Variants in ZC3H12B observed in about 807,000 individuals in gnomAD.
The protein encoded by ZC3H12B is probable ribonuclease ZC3H12B.
ZC3H12B carries 7 observed loss-of-function variants against 43.9 expected under a neutral mutation model. The ratio of observed to expected loss-of-function variants is 0.16; its 90% CI spans 0.09 to 0.30. The LOEUF is 0.30. Ranked by LOEUF, ZC3H12B falls within the 10% of genes least tolerant of loss-of-function variation. The pLI is 1.00. For missense variants in ZC3H12B, 475 were observed against 670.2 expected (o/e 0.71, Z 3.22); for synonymous variants, 222 against 241.7 (o/e 0.92, Z 0.76).
chrX:65,045,828 T>A, the ZC3H12B span, among the ~76,000 whole-genome samples: 2 of 112,141 alleles, frequency 1.8e-5, no homozygotes, highest in Non-Finnish European at 3.8e-5. Context: ...AACTTGAAAA[T>A]CCAAATTACT....
chrX:65,067,743 G>T, the ZC3H12B span, among the ~76,000 whole-genome samples: 1 of 108,265 alleles, frequency 9.2e-6, no homozygotes, highest in Non-Finnish European at 1.9e-5. Context: ...ATTCATTTCT[G>T]CTCTGATCTT....
the ZC3H12B span, among the ~76,000 whole-genome samples, chrX:65,125,835 C>A: frequency 9.0e-6 from 1 of 110,833 alleles, no homozygotes; most frequent in Non-Finnish European, 1.9e-5. Context: ...TTTTTCCACC[C>A]CTTTATCTTA....
the ZC3H12B span, among the ~76,000 whole-genome samples, chrX:65,077,165 G>T: frequency 9.0e-6 from 1 of 111,295 alleles, no homozygotes; most frequent in Non-Finnish European, 1.9e-5. Flanking sequence ...CTTTCTGATG[G>T]TGCTGCAGCA....
the ZC3H12B span, among the ~76,000 whole-genome samples, chrX:65,224,083 A>C: frequency 8.9e-6 from 1 of 112,728 alleles, no homozygotes; most frequent in Non-Finnish European, 1.9e-5. Flanking sequence ...GGTGTAAAGA[A>C]ACTGTGGTAT....
intron 3 of ZC3H12B, among the ~76,000 whole-genome samples, chrX:65,411,486 G>C (rs2066902488): frequency 9.0e-6 from 1 of 111,401 alleles, no homozygotes; most frequent in African/African-American, 3.3e-5. Context: ...ACAGCACTTT[G>C]GGAGGCCAAG....
At chrX:65,417,082 C>T (rs2066971049) in intron 3 of ZC3H12B, among the ~76,000 whole-genome samples, 1 of 111,429 alleles carries the variant, frequency 9.0e-6, no homozygotes, top group African/African-American at 3.3e-5. Context: ...ATTTCCCAAG[C>T]CTAGACCATT....
At chrX:65,071,875 C>A in the ZC3H12B span, among the ~76,000 whole-genome samples, 7 of 111,363 alleles carry the variant, frequency 6.3e-5, no homozygotes, top group Non-Finnish European at 1.1e-4. Context: ...TCTCTAGCTG[C>A]CTTTAGCATT....
At chrX:65,063,918 A>C in the ZC3H12B span, among the ~76,000 whole-genome samples, 14 of 111,818 alleles carry the variant, frequency 1.3e-4, no homozygotes, top group South Asian at 3.7e-4. Flanking sequence ...TTATCCATTT[A>C]TGCTAGATTT....
chrX:65,290,537 T>G, the ZC3H12B span, among the ~76,000 whole-genome samples: 35 of 111,439 alleles, frequency 3.1e-4, 1 homozygote, highest in Admixed American at 9.5e-5. Flanking sequence ...TATCAATATA[T>G]CAAAGGAATA....
the ZC3H12B span, among the ~76,000 whole-genome samples, chrX:65,316,790 A>T: frequency 2.5e-4 from 28 of 111,761 alleles, no homozygotes; most frequent in Non-Finnish European, 3.0e-4. Context: ...AAATCCACAT[A>T]TATCAATAAT....
intron 3 of ZC3H12B, among the ~76,000 whole-genome samples, chrX:65,482,921 CT>C (rs776238091): frequency 2.1e-3 from 231 of 111,833 alleles, no homozygotes; most frequent in Middle Eastern, 0.018. Flanking sequence ...CAGACTCTTA[CT>C]TTTTTGTAAA....
the ZC3H12B span, among the ~76,000 whole-genome samples, chrX:65,300,565 T>C: frequency 1.8e-5 from 2 of 111,518 alleles, no homozygotes; most frequent in South Asian, 3.7e-4. Context: ...CCTGGTGGTC[T>C]TTCTCTACCC....
At chrX:65,202,096 T>C in the ZC3H12B span, among the ~76,000 whole-genome samples, 1 of 91,795 alleles carries the variant, frequency 1.1e-5, no homozygotes, top group Non-Finnish European at 2.1e-5. Flanking sequence ...ATGTAATATA[T>C]ATATTTTATA....
chrX:65,181,654 C>T, the ZC3H12B span, among the ~76,000 whole-genome samples: 1 of 112,254 alleles, frequency 8.9e-6, no homozygotes, highest in Admixed American at 9.4e-5. Context: ...TGAAAAAAAG[C>T]TCACCATCAC....
chrX:65,473,948 G>A (rs1329764795), intron 3 of ZC3H12B, among the ~76,000 whole-genome samples: 9 of 111,841 alleles, frequency 8.0e-5, no homozygotes, highest in African/African-American at 2.0e-4. Context: ...TTCTTCTGCT[G>A]TTGGGTAGAA....
the ZC3H12B span, among the ~76,000 whole-genome samples, chrX:65,301,597 A>G: frequency 8.9e-6 from 1 of 111,741 alleles, no homozygotes; most frequent in Non-Finnish European, 1.9e-5. Context: ...TAAGTCAAGT[A>G]ACTCAGGAAT....
At chrX:65,416,094 G>A (rs2066956890) in intron 3 of ZC3H12B, among the ~76,000 whole-genome samples, 1 of 111,529 alleles carries the variant, frequency 9.0e-6, no homozygotes, top group African/African-American at 3.3e-5. Context: ...GATGATTGGG[G>A]TTCAATATTA....
intron 3 of ZC3H12B, among the ~76,000 whole-genome samples, chrX:65,446,947 T>C (rs5964974): frequency 0.14 from 15,845 of 111,450 alleles, 2,734 homozygotes; most frequent in African/African-American, 0.49. Flanking sequence ...GTCTTCTGCC[T>C]CTCACTTTTG....
the ZC3H12B span, among the ~76,000 whole-genome samples, chrX:65,194,703 G>A: frequency 8.9e-6 from 1 of 111,965 alleles, no homozygotes; most frequent in African/African-American, 3.2e-5. Context: ...AGTCGATAGT[G>A]CAGATTAACT....
Sources: allele counts gnomAD v4.1 joint callset (sites outside exome capture counted in the v4.1 genomes callset), GRCh38; gene constraint gnomAD v4.1.1; transcripts MANE v1.5; gene names NCBI Gene and HGNC (gene_info 2026-07-23, HGNC 2026-07-21).